Variants in RPH3AL observed in about 807,000 individuals in gnomAD.
RPH3AL encodes rab effector Noc2.
In RPH3AL, 38 loss-of-function variants were observed where a neutral mutation model predicts 43.1. That is an observed-to-expected ratio of 0.88 (90% confidence interval 0.68 to 1.15). The LOEUF is 1.15. RPH3AL is among the 50% of genes most tolerant of loss of function. The probability of loss-of-function intolerance (pLI) is 0.00; values close to 1 mark genes in which losing one functional copy is unlikely to be tolerated. For synonymous variants in RPH3AL, 189 were observed against 176.3 expected (o/e 1.07, Z -0.57); for missense variants, 462 against 423.2 (o/e 1.09, Z -0.81).
rs373583166 is a variant in RPH3AL at position 268,972 on chromosome 17, G to A, written c.438+12796C>T. Among the ~76,000 whole-genome samples, 72 of 152,206 alleles carry A rather than the reference G, an allele frequency of 4.7e-4. 1 individual carries two copies. The highest frequency in any genetic ancestry group is 3.4e-3 in the Middle Eastern group (1 of 294). The stretch of plus-strand genomic sequence containing the variant: ...CGGCTCACCGCAAGCTCTGCCTCCC[G>A]GGTTCACGCCATTCTCCTGCCTCAG... On this transcript the variant is annotated intron_variant, in intron 6 of 9. Coordinates refer to ENST00000331302, the MANE Select transcript of RPH3AL (RefSeq NM_006987.4).
intron 5 of RPH3AL, among the ~76,000 whole-genome samples, chr17:316,717 T>TA (rs2044227428): frequency 6.6e-6 from 1 of 151,104 alleles, no homozygotes; most frequent in Non-Finnish European, 1.5e-5. Context: ...GTAGTCTCTG[T>TA]GCCCCACCTC....
chr17:245,297 G>A lies in RPH3AL; in HGVS notation c.613+1814C>T, dbSNP rs1555539417. 6.6e-6 allele frequency among the ~76,000 whole-genome samples: 1 copy of A among 151,494 alleles called. No individual in the cohort carries two copies. The highest frequency in any genetic ancestry group is 1.5e-5 in the Non-Finnish European group (1 of 67,856). ...AGTGTGTGTGTACGTGGGTGTGTGTGTGGATGTGTGTGTGGATGTGGATGT... is the reference window on the plus strand; with the variant it reads ...AGTGTGTGTGTACGTGGGTGTGTGTATGGATGTGTGTGTGGATGTGGATGT... On this transcript the variant is annotated intron_variant, in intron 7 of 9. Transcript: ENST00000331302. This position sits in a 1 kb window ranked among gnomAD's most constrained non-coding sequence, Gnocchi z 5.9.
intron 5 of RPH3AL, among the ~76,000 whole-genome samples, chr17:291,043 T>C (rs1428977470): frequency 6.6e-6 from 1 of 152,208 alleles, no homozygotes; most frequent in Admixed American, 6.5e-5. Context: ...CCCTCAAACG[T>C]TGCGTACAAG....
At chr17:235,543 ACGGG>A (rs2041355764) in intron 7 of RPH3AL, among the ~76,000 whole-genome samples, 3 of 144,542 alleles carry the variant, frequency 2.1e-5, no homozygotes, top group African/African-American at 5.0e-5. Flanking sequence ...CACTAACAAG[ACGGG>A]TCCCGGGTTC....
intron 1 of RPH3AL, among the ~76,000 whole-genome samples, chr17:341,857 G>A (rs549360421): frequency 2.6e-5 from 4 of 152,240 alleles, no homozygotes; most frequent in Admixed American, 6.5e-5. Context: ...TGACTTTATC[G>A]TAATTTGTAA....
chr17:242,364 T>A (rs2041568727), intron 7 of RPH3AL, among the ~76,000 whole-genome samples: 5 of 33,446 alleles, frequency 1.5e-4, no homozygotes, highest in Non-Finnish European at 1.3e-4. Context: ...CCTTCCTCTA[T>A]TGACTACCTT....
At chr17:282,217 C>T (rs117134455) in intron 5 of RPH3AL, among the ~76,000 whole-genome samples, 8,117 of 152,312 alleles carry the variant, frequency 0.053, 306 homozygotes, top group Admixed American at 0.089. Context: ...CTGGCCTTCA[C>T]ACAGCCGACG....
chr17:318,816 ATTC>A (rs1188755480), intron 5 of RPH3AL, among the ~76,000 whole-genome samples: 1 of 152,256 alleles, frequency 6.6e-6, no homozygotes, highest in Non-Finnish European at 1.5e-5. Flanking sequence ...TGCAAAGATC[ATTC>A]TTCTTTGAGT....
chr17:337,070 C>T (rs772717749), intron 1 of RPH3AL, among the ~76,000 whole-genome samples: 6 of 152,146 alleles, frequency 3.9e-5, no homozygotes, highest in African/African-American at 7.2e-5. Flanking sequence ...CTAATTTAAC[C>T]GTCAAGAGTT....
At chr17:319,608 T>C (rs11654845) in intron 4 of RPH3AL, 59 bp from the exon 5 acceptor site, 246,997 of 1,593,474 alleles carry the variant, frequency 0.16, 24,742 homozygotes, top group African/African-American at 0.5. Context: ...ACAGTTGCAC[T>C]GAGGCCCGAA....
chr17:285,650 G>A (rs959262907), intron 5 of RPH3AL, among the ~76,000 whole-genome samples: 5 of 152,138 alleles, frequency 3.3e-5, no homozygotes, highest in East Asian at 3.9e-4. Flanking sequence ...CAGGTACTCC[G>A]TGGCCTCACG....
chr17:243,663 G>GACTACCTTCCTCTATTT (rs2041651653), intron 7 of RPH3AL, among the ~76,000 whole-genome samples: 2 of 127,168 alleles, frequency 1.6e-5, no homozygotes, highest in Non-Finnish European at 3.1e-5. Flanking sequence ...TTCCTCTATT[G>GACTACCTTCCTCTATTT]ACTACCTTCC....
intron 8 of RPH3AL, among the ~76,000 whole-genome samples, chr17:216,745 C>T (rs1196681492): frequency 6.6e-6 from 1 of 152,180 alleles, no homozygotes; most frequent in African/African-American, 2.4e-5. Flanking sequence ...ATCTCTTGCA[C>T]CATCTCTACC....
chr17:328,123 A>C lies in RPH3AL; in HGVS notation c.-36-544T>G, dbSNP rs1056024161. 6.6e-6 allele frequency among the ~76,000 whole-genome samples: 1 copy of C among 152,122 alleles called. No homozygotes were observed. The highest frequency in any genetic ancestry group is 6.5e-5 in the Admixed American group (1 of 15,276). On this transcript the variant is annotated intron_variant, in intron 2 of 9. Transcript: ENST00000331302. The surrounding 1 kb of genome is among the most constrained non-coding windows in gnomAD (Gnocchi z 4.2). ...AGGGCAGGGGGTGGCAGCTACAGCC[A>C]GGATTGCCACCCAGCACCATGCCAA...
intron 1 of RPH3AL, among the ~76,000 whole-genome samples, chr17:345,446 G>A (rs1006719341): frequency 2.2e-5 from 3 of 135,124 alleles, no homozygotes; most frequent in African/African-American, 7.6e-5. Flanking sequence ...ACCACCGGGG[G>A]GTTCATCCTC....
At chr17:309,585 G>GA (rs2043591038) in intron 5 of RPH3AL, among the ~76,000 whole-genome samples, 1 of 39,818 alleles carries the variant, frequency 2.5e-5, no homozygotes, top group African/African-American at 7.0e-5. Flanking sequence ...CCTGCCCCAG[G>GA]CTCCTGCCAG....
At position 274,955 on chromosome 17, in the gene RPH3AL, G is replaced by C. The variant is rs540754323; in HGVS notation, c.438+6813C>G. On this transcript the variant is annotated intron_variant, in intron 6 of 9. Coordinates refer to ENST00000331302, the MANE Select transcript of RPH3AL (RefSeq NM_006987.4). The surrounding 1 kb of genome is among the most constrained non-coding windows in gnomAD (Gnocchi z 4.7). Reference sequence around the variant, plus strand: ...ATAATGGAGGACTGCCGGGAAACCAGAGTGGAGAACAGAATCGAAACTTAC... The same window carrying C: ...ATAATGGAGGACTGCCGGGAAACCACAGTGGAGAACAGAATCGAAACTTAC... 1.3e-5 allele frequency among the ~76,000 whole-genome samples: 2 copies of C among 152,356 alleles called. No individual in the cohort carries two copies. Among genetic ancestry groups the C allele is most frequent in the African/African-American group, 4.8e-5 (2 of 41,584 alleles).
chr17:259,022 G>A (rs2042138121), intron 6 of RPH3AL, among the ~76,000 whole-genome samples: 2 of 152,140 alleles, frequency 1.3e-5, no homozygotes, highest in East Asian at 1.9e-4. Flanking sequence ...CACAGGCCAG[G>A]CAGGCCACGT....
intron 6 of RPH3AL, among the ~76,000 whole-genome samples, chr17:265,623 T>A (rs549750802): frequency 6.6e-6 from 1 of 152,342 alleles, no homozygotes; most frequent in South Asian, 2.1e-4. Context: ...CCTTTTCCTT[T>A]CAGTAGGAAT....
Sources: gnomAD v4.1 joint callset for allele counts (sites outside exome capture counted in the v4.1 genomes callset) on GRCh38, gnomAD v4.1.1 for gene constraint, Gnocchi (gnomAD v3.1) non-coding constraint, MANE v1.5 for transcripts, NCBI Gene and HGNC (gene_info 2026-07-23, HGNC 2026-07-21) for gene names.